Variants in B3GALT1 observed in about 807,000 individuals in gnomAD.
B3GALT1 encodes the protein UDP-Gal:betaGlcNAc beta 1,3-galactosyltransferase, polypeptide 1.
In B3GALT1, 10 loss-of-function variants were observed where a neutral mutation model predicts 23.2. The ratio of observed to expected loss-of-function variants is 0.43; its 90% CI spans 0.27 to 0.73. The LOEUF (loss-of-function observed/expected upper bound fraction) is 0.73. Ranked by LOEUF, B3GALT1 falls within the 30% of genes least tolerant of loss-of-function variation. The pLI, the probability that B3GALT1 is intolerant of heterozygous loss-of-function variation, is 0.21. For missense variants in B3GALT1, 299 were observed against 405.4 expected, an observed-to-expected ratio of 0.74 and a Z score of 2.25; for synonymous variants, 156 against 141.5, an observed-to-expected ratio of 1.10 and a Z score of -0.73.
At chr2:167,583,129 C>G (rs1005808195) in intron 2 of B3GALT1, among the ~76,000 whole-genome samples, 1 of 152,208 alleles carries the variant, frequency 6.6e-6, no homozygotes, top group African/African-American at 2.4e-5. Flanking sequence ...TTTTGTAACA[C>G]ATCTCCAGCT....
At chr2:167,686,389 T>G (rs545386657) in intron 3 of B3GALT1, among the ~76,000 whole-genome samples, 1 of 152,248 alleles carries the variant, frequency 6.6e-6, no homozygotes, top group African/African-American at 2.4e-5. Context: ...CTTAGAAAAT[T>G]CGGCAATGCT....
chr2:167,563,102 C>A (rs1457995706), intron 2 of B3GALT1, among the ~76,000 whole-genome samples: 2 of 151,870 alleles, frequency 1.3e-5, no homozygotes, highest in African/African-American at 4.9e-5. Context: ...CCCCACCTTT[C>A]CCCCCCTTCC....
At chr2:167,537,785 C>G (rs1683454488) in intron 2 of B3GALT1, among the ~76,000 whole-genome samples, 4 of 151,732 alleles carry the variant, frequency 2.6e-5, no homozygotes, top group Admixed American at 1.3e-4. Context: ...AAGCCTGAAG[C>G]CTTTTCAAAC....
At chr2:167,714,182 G>A in intron 3 of B3GALT1, 2 of 1,515,458 alleles carry the variant, frequency 1.3e-6, no homozygotes, top group South Asian at 1.1e-5. Context: ...ATCAGAATTA[G>A]AATAAAATCT....
At chr2:167,588,689 A>C (rs2105413542) in intron 2 of B3GALT1, among the ~76,000 whole-genome samples, 1 of 151,722 alleles carries the variant, frequency 6.6e-6, no homozygotes, top group Non-Finnish European at 1.5e-5. Flanking sequence ...TCTTTATACT[A>C]TTTGCTTATA....
At chr2:167,314,547 T>C (rs548348588) in intron 1 of B3GALT1, among the ~76,000 whole-genome samples, 19 of 152,330 alleles carry the variant, frequency 1.2e-4, no homozygotes, top group Non-Finnish European at 2.1e-4. Context: ...ACGGATTTAC[T>C]TTGTTGTTTT....
intron 3 of B3GALT1, among the ~76,000 whole-genome samples, chr2:167,703,978 A>C (rs12471283): frequency 1.3e-5 from 2 of 151,834 alleles, no homozygotes; most frequent in African/African-American, 4.8e-5. Context: ...TCAGGAGATC[A>C]AGACCTTCCT....
At chr2:167,529,456 A>G (rs1683284807) in intron 2 of B3GALT1, among the ~76,000 whole-genome samples, 2 of 151,752 alleles carry the variant, frequency 1.3e-5, no homozygotes, top group Non-Finnish European at 2.9e-5. Context: ...GAGGGCAACT[A>G]ATAGAATTAG....
At chr2:167,401,677 T>C (rs1523886) in intron 1 of B3GALT1, among the ~76,000 whole-genome samples, 144,287 of 152,224 alleles carry the variant, frequency 0.95, 68,632 homozygotes, top group Non-Finnish European at 0.99. Context: ...GTCTCAGCTC[T>C]ATTCTCTTCA....
intron 3 of B3GALT1, among the ~76,000 whole-genome samples, chr2:167,776,584 C>T (rs1408033914): frequency 2.0e-5 from 3 of 149,898 alleles, no homozygotes; most frequent in African/African-American, 4.9e-5. Flanking sequence ...TGTGGACTAA[C>T]GAGGAGTGGA....
chr2:167,578,516 G>A (rs975975487), intron 2 of B3GALT1, among the ~76,000 whole-genome samples: 3 of 151,608 alleles, frequency 2.0e-5, no homozygotes, highest in East Asian at 3.9e-4. Flanking sequence ...AATTTTCTTC[G>A]AGGTTTTCTC....
At position 167,720,294 on chromosome 2, in the gene B3GALT1, G is replaced by A. The variant is rs1574230017; in HGVS notation, c.-352+73328G>A. ...GTCTACTAATTTAATCACTTATTTG[G>A]TCTTTGCTGGTAGAGGGGATATTAT... On this transcript the variant is annotated intron_variant, in intron 3 of 4. Coordinates refer to ENST00000392690, the MANE Select transcript of B3GALT1 (RefSeq NM_020981.4). Among the ~76,000 whole-genome samples the A allele has an allele frequency of 2.0e-5, 3 of 152,128 alleles. No homozygotes were observed. The South Asian group carries it at 6.2e-4, about 32-fold the overall frequency.
chr2:167,662,268 C>G (rs560711417), intron 3 of B3GALT1, among the ~76,000 whole-genome samples: 1 of 152,106 alleles, frequency 6.6e-6, no homozygotes, highest in East Asian at 1.9e-4. Context: ...ATATAAATAG[C>G]CTGTTCTTTA....
chr2:167,721,563 A>G (rs752106860), intron 3 of B3GALT1, among the ~76,000 whole-genome samples: 4 of 152,224 alleles, frequency 2.6e-5, no homozygotes, highest in African/African-American at 4.8e-5. Context: ...CACAGACACC[A>G]GCTAGAAATT....
intron 1 of B3GALT1, among the ~76,000 whole-genome samples, chr2:167,322,704 C>CT (rs1264628954): frequency 2.6e-5 from 4 of 151,986 alleles, no homozygotes; most frequent in African/African-American, 4.8e-5. Context: ...AGTGTGAACT[C>CT]TAAGTTTTCT....
intron 2 of B3GALT1, among the ~76,000 whole-genome samples, chr2:167,560,649 T>G (rs1037889583): frequency 2.6e-5 from 4 of 151,578 alleles, no homozygotes; most frequent in Admixed American, 6.6e-5. Context: ...AGGCAGGGGT[T>G]GCAATCCTAG....
At chr2:167,308,037 GAGTAATATT>G (rs1696576693) in intron 1 of B3GALT1, among the ~76,000 whole-genome samples, 1 of 152,004 alleles carries the variant, frequency 6.6e-6, no homozygotes, top group African/African-American at 2.4e-5. Flanking sequence ...ATTTTGTGGA[GAGTAATATT>G]AGTAACACAA....
chr2:167,424,174 A>G (rs1698589733), intron 1 of B3GALT1, among the ~76,000 whole-genome samples: 1 of 152,182 alleles, frequency 6.6e-6, no homozygotes. Flanking sequence ...AGTAGTACAC[A>G]TGCCATAAGT....
chr2:167,834,946 G>A (rs1355607290), intron 4 of B3GALT1, among the ~76,000 whole-genome samples: 1 of 152,148 alleles, frequency 6.6e-6, no homozygotes, highest in Non-Finnish European at 1.5e-5. Context: ...AAGAAACTCT[G>A]CCTCTGTCTT....
Sources: allele counts gnomAD v4.1 joint callset (sites outside exome capture counted in the v4.1 genomes callset), GRCh38; gene constraint gnomAD v4.1.1; transcripts MANE v1.5; gene names NCBI Gene and HGNC (gene_info 2026-07-23, HGNC 2026-07-21).